The following CDIN1 variants were observed in gnomAD, a reference collection of about 807,000 sequenced individuals.
The protein encoded by CDIN1 is CDAN1 interacting nuclease 1.
Under a neutral mutation model 45.3 loss-of-function variants are expected in CDIN1, and 33 were observed. The ratio of observed to expected loss-of-function variants is 0.73; its 90% CI spans 0.55 to 0.97. The LOEUF (loss-of-function observed/expected upper bound fraction) is 0.97. CDIN1 is among the 50% of genes least tolerant of loss of function. The pLI is 0.00. For synonymous variants in CDIN1, 118 were observed against 124.4 expected (o/e 0.95, Z 0.34); for missense variants, 303 against 339.4 (o/e 0.89, Z 0.84).
At chr15:36,716,898 A>G (rs1018502034) in intron 10 of CDIN1, among the ~76,000 whole-genome samples, 1 of 152,154 alleles carries the variant, frequency 6.6e-6, no homozygotes, top group African/African-American at 2.4e-5. Flanking sequence ...AACAGTGAGA[A>G]CTGAGCAGTA....
intron 10 of CDIN1, among the ~76,000 whole-genome samples, chr15:36,750,267 A>G (rs938746752): frequency 1.3e-5 from 2 of 152,222 alleles, no homozygotes; most frequent in East Asian, 3.8e-4. Context: ...CCCATGAAAC[A>G]GTGCAATTTT....
At chr15:36,621,571 G>A in intron 1 of CDIN1, among the ~76,000 whole-genome samples, 1 of 152,010 alleles carries the variant, frequency 6.6e-6, no homozygotes, top group East Asian at 1.9e-4. Context: ...GGGAAGTTTA[G>A]GTCCTTTAAA....
At chr15:36,656,999 A>AT (rs1246010474) in intron 4 of CDIN1, among the ~76,000 whole-genome samples, 1 of 152,150 alleles carries the variant, frequency 6.6e-6, no homozygotes, top group Non-Finnish European at 1.5e-5. Flanking sequence ...GTGTGTTCCT[A>AT]TTTTTTGGTG....
chr15:36,794,951 T>TA (rs928306888), intron 10 of CDIN1, among the ~76,000 whole-genome samples: 2 of 152,022 alleles, frequency 1.3e-5, no homozygotes, highest in Non-Finnish European at 2.9e-5. Flanking sequence ...TATTTGGCCA[T>TA]AAAAAAAGAA....
At chr15:36,695,786 G>A (rs2042402172) in intron 7 of CDIN1, among the ~76,000 whole-genome samples, 1 of 151,254 alleles carries the variant, frequency 6.6e-6, no homozygotes, top group South Asian at 2.1e-4. Flanking sequence ...GACAGAGGTT[G>A]CAGTGAGCTG....
chr15:36,688,962 C>T (rs1323684878), intron 5 of CDIN1, among the ~76,000 whole-genome samples: 4 of 152,092 alleles, frequency 2.6e-5, no homozygotes, highest in Admixed American at 6.6e-5. Flanking sequence ...CTCTGTTGCA[C>T]TAAAAAGTGG....
At chr15:36,627,447 C>T (rs1447118383) in intron 1 of CDIN1, 1 of 157,850 alleles carries the variant, frequency 6.3e-6, no homozygotes, top group Middle Eastern at 9.9e-4. Context: ...TCCAGCACCT[C>T]GTCAGTCACG....
At chr15:36,722,309 C>CTCTCTCTCTCTCTG in intron 10 of CDIN1, among the ~76,000 whole-genome samples, 1 of 59,410 alleles carries the variant, frequency 1.7e-5, no homozygotes, top group Non-Finnish European at 4.4e-5. Flanking sequence ...TGAGATCTCT[C>CTCTCTCTCTCTCTG]TCTCTCTCTC....
intron 1 of CDIN1, among the ~76,000 whole-genome samples, chr15:36,599,982 A>G (rs569196464): frequency 6.6e-6 from 1 of 152,366 alleles, no homozygotes; most frequent in South Asian, 2.1e-4. Flanking sequence ...AGAATAAAAA[A>G]TCATGGGTGC....
At chr15:36,597,544 C>T (rs1313436655) in intron 1 of CDIN1, among the ~76,000 whole-genome samples, 1 of 152,222 alleles carries the variant, frequency 6.6e-6, no homozygotes, top group Non-Finnish European at 1.5e-5. Flanking sequence ...ATGCATTAAA[C>T]TGAGCAAGAT....
intron 5 of CDIN1, chr15:36,669,193 A>T (rs569687520): frequency 6.6e-6 from 1 of 152,248 alleles, no homozygotes; most frequent in South Asian, 2.1e-4. Context: ...ATTATATCTT[A>T]TAGTAACAAA....
rs541800278 is a variant in CDIN1, at chr15:36,808,445, A to G, written c.838A>G (p.Ile280Val). 28 of 1,613,468 alleles carry G rather than the reference A, an allele frequency of 1.7e-5. No individual in the cohort carries two copies. In the Admixed American group the frequency reaches 4.5e-4, roughly 26 times the overall value. ...GAACATTGTCACCTTATGCCACAGC[A>G]TAGCTTGACCCTGAAGATCCTGGAA... The part of the protein sequence containing the change: ...PTNIVTLCHS[I>V]A Residue 280 changes from isoleucine to valine, a missense_variant, in exon 11 of 11, where the codon ATA becomes GTA. Physicochemically the swap from Ile to Val is conservative, Grantham distance 29. Coordinates refer to ENST00000566621, the MANE Select transcript of CDIN1 (RefSeq NM_001321759.2).
At chr15:36,676,465 G>A (rs764313139) in intron 5 of CDIN1, among the ~76,000 whole-genome samples, 2 of 152,180 alleles carry the variant, frequency 1.3e-5, no homozygotes, top group Non-Finnish European at 2.9e-5. Flanking sequence ...CTACCAGAGG[G>A]AATTATTAGA....
chr15:36,688,513 T>G (rs2042136771), intron 5 of CDIN1, among the ~76,000 whole-genome samples: 1 of 152,144 alleles, frequency 6.6e-6, no homozygotes, highest in African/African-American at 2.4e-5. Flanking sequence ...ATACATACTT[T>G]GTAGAAAATT....
chr15:36,804,905 C>G (rs1325126095), intron 10 of CDIN1, among the ~76,000 whole-genome samples: 1 of 151,676 alleles, frequency 6.6e-6, no homozygotes, highest in Non-Finnish European at 1.5e-5. Flanking sequence ...AAACTCCTGA[C>G]CTCAAGTGAT....
intron 1 of CDIN1, among the ~76,000 whole-genome samples, chr15:36,629,093 GC>G (rs1398745425): frequency 6.6e-6 from 1 of 152,172 alleles, no homozygotes; most frequent in South Asian, 2.1e-4. Flanking sequence ...AGGGAGCATG[GC>G]CTTGCTAAGA....
In CDIN1 at chr15:36,756,928, G is replaced by A. The variant is rs370640154; in HGVS notation, c.716+46967G>A. ...AAGCCAGCTAAATGACTTGTCAGGAGGGGAGAGAAGTCAGAAAAGTAATGG... is the reference window on the plus strand; with the variant it reads ...AAGCCAGCTAAATGACTTGTCAGGAAGGGAGAGAAGTCAGAAAAGTAATGG... On this transcript the variant is annotated intron_variant, in intron 10 of 10. Transcript: ENST00000566621. Among the ~76,000 whole-genome samples, 14 of 152,136 alleles carry A rather than the reference G, an allele frequency of 9.2e-5. 1 individual carries two copies. In the East Asian group the frequency reaches 2.1e-3, roughly 23 times the overall value.
chr15:36,643,958 C>T (rs2040211764), intron 1 of CDIN1, among the ~76,000 whole-genome samples: 1 of 152,196 alleles, frequency 6.6e-6, no homozygotes, highest in Non-Finnish European at 1.5e-5. Flanking sequence ...TGGAGATAAG[C>T]CTTGCTTTCT....
intron 1 of CDIN1, among the ~76,000 whole-genome samples, chr15:36,587,952 C>T (rs897023911): frequency 9.9e-5 from 15 of 152,040 alleles, no homozygotes; most frequent in African/African-American, 2.9e-4. Flanking sequence ...TGTAAAACAG[C>T]GCAGTGTAGA....
Sources: gnomAD v4.1 joint callset for allele counts (sites outside exome capture counted in the v4.1 genomes callset) on GRCh38, gnomAD v4.1.1 for gene constraint, MANE v1.5 for transcripts, NCBI Gene and HGNC (gene_info 2026-07-23, HGNC 2026-07-21) for gene names.